ITK: variants seen among roughly 807,000 people sequenced by gnomAD.
ITK encodes IL2 inducible T cell kinase, also known as tyrosine-protein kinase ITK/TSK.
ITK carries 45 observed loss-of-function variants against 87.6 expected under a neutral mutation model. The observed-to-expected ratio is 0.51, with a 90% CI of 0.40 to 0.66. ITK has a LOEUF of 0.66. Among genes scored for constraint, ITK ranks in the 30% least tolerant of loss-of-function variants. The pLI is 0.00. For synonymous variants in ITK, 303 were observed against 273.6 expected (o/e 1.11, Z -1.06); for missense variants, 605 against 766.3 (o/e 0.79, Z 2.48).
At chr5:157,209,672 C>G (rs1037328446) in intron 2 of ITK, among the ~76,000 whole-genome samples, 1 of 152,062 alleles carries the variant, frequency 6.6e-6, no homozygotes. Context: ...ATTGCAATTG[C>G]TGGGTATGAA....
At chr5:157,197,787 T>G (rs775742362) in intron 1 of ITK, among the ~76,000 whole-genome samples, 32 of 152,222 alleles carry the variant, frequency 2.1e-4, no homozygotes, top group Non-Finnish European at 4.3e-4. Flanking sequence ...TAACCATAAC[T>G]AATTTAACCA....
In ITK at chr5:157,253,688, G is replaced by C. The variant is rs1367056584; in HGVS notation, c.*1010G>C. 4.5e-6 allele frequency: 1 copy of C among 223,114 alleles called. No individual in the cohort carries two copies. The highest frequency in any genetic ancestry group is 6.5e-5 in the East Asian group (1 of 15,478). The allele number at this position is 223,114 out of a possible 1,614,324, so 13.8% of individuals were successfully genotyped here. A position where few individuals can be genotyped will look rare whatever the true frequency, so the allele number is the denominator to read the frequency against. On this transcript the variant is annotated 3_prime_UTR_variant, in exon 17 of 17. Transcript: ENST00000422843. ...TTGTGTTGGTCAATGTTCCCTTGGC[G>C]AGCAATTGAAACTTGTTTAGGCCCT...
At chr5:157,238,244 TGAGCA>T in intron 9 of ITK, 53 bp downstream of exon 9, 1 of 1,347,720 alleles carries the variant, frequency 7.4e-7, no homozygotes, top group Non-Finnish European at 1.1e-6. Flanking sequence ...CTGAAGTGTG[TGAGCA>T]CTGGGGAAAA....
At chr5:157,186,629 T>C (rs187257495) in intron 1 of ITK, among the ~76,000 whole-genome samples, 46 of 151,268 alleles carry the variant, frequency 3.0e-4, no homozygotes, top group African/African-American at 9.7e-4. Flanking sequence ...AGAGCCAAGA[T>C]TGTGCGATTG....
Position 157,254,300 on chromosome 5 carries a change from AATG to A in ITK, c.*1624_*1626del, listed in dbSNP as rs1755208472. The A allele has an allele frequency of 4.4e-6, 1 of 227,778 alleles. No individual in the cohort carries two copies. Among genetic ancestry groups the A allele is most frequent in the Non-Finnish European group, 8.7e-6 (1 of 114,690 alleles). 14.1% of individuals were successfully genotyped at this position (227,778 alleles called of 1,614,324 possible). A position where few individuals can be genotyped will look rare whatever the true frequency, so the allele number is the denominator to read the frequency against. On this transcript the variant is annotated 3_prime_UTR_variant, in exon 17 of 17. Transcript: ENST00000422843. ...TCTGTATCCTTACCTTGGTCATGTT[AATG>A]ACTTTGGAGTTATTCAGTTAATGAC...
intron 6 of ITK, 103 bp from the exon 7 acceptor site, chr5:157,228,193 G>A (rs1360364173): frequency 3.9e-6 from 3 of 776,264 alleles, no homozygotes; most frequent in East Asian, 2.6e-5. Flanking sequence ...GCCAAATAAT[G>A]TGATATTCCC....
intron 1 of ITK, among the ~76,000 whole-genome samples, chr5:157,182,958 G>A (rs1480513675): frequency 1.3e-5 from 2 of 152,046 alleles, no homozygotes; most frequent in East Asian, 3.8e-4. Flanking sequence ...TTCTTTATCT[G>A]AGCATTATGG....
intron 7 of ITK, among the ~76,000 whole-genome samples, chr5:157,231,502 C>T (rs942190701): frequency 5.3e-5 from 8 of 152,174 alleles, no homozygotes; most frequent in African/African-American, 9.7e-5. Flanking sequence ...AAACCTCTAA[C>T]GAATCCATGA....
At chr5:157,199,292 G>T (rs1438956891) in intron 1 of ITK, 1 of 151,490 alleles carries the variant, frequency 6.6e-6, no homozygotes, top group African/African-American at 2.4e-5. Flanking sequence ...GCTGAAAACT[G>T]CTATTTTTTT....
chr5:157,222,145 C>G (rs184987911), intron 5 of ITK, among the ~76,000 whole-genome samples: 22 of 152,318 alleles, frequency 1.4e-4, no homozygotes, highest in Non-Finnish European at 2.8e-4. Context: ...TAGTGAGGAA[C>G]TTAATATTTC....
intron 9 of ITK, among the ~76,000 whole-genome samples, chr5:157,239,414 A>G (rs1754842191): frequency 6.6e-6 from 1 of 152,190 alleles, no homozygotes; most frequent in South Asian, 2.1e-4. Flanking sequence ...GAGACTCAGT[A>G]CCCAAGGCTT....
chr5:157,199,208 G>A (rs1391743168), intron 1 of ITK: 1 of 152,236 alleles, frequency 6.6e-6, no homozygotes, highest in African/African-American at 2.4e-5. Flanking sequence ...AAGGAATGAG[G>A]TTAGGATGCA....
At chr5:157,195,568 C>G (rs983422699) in intron 1 of ITK, 2 of 152,186 alleles carry the variant, frequency 1.3e-5, no homozygotes, top group Non-Finnish European at 2.9e-5. Context: ...AGTAACAAAT[C>G]TCCCATCTTT....
chr5:157,205,978 T>TG (rs1157890807), intron 1 of ITK, among the ~76,000 whole-genome samples: 1 of 130,690 alleles, frequency 7.7e-6, no homozygotes, highest in Non-Finnish European at 1.6e-5. Flanking sequence ...GATTAGCCTT[T>TG]TTTTTTTTTT....
Position 157,238,197 on chromosome 5 carries a change from G to C in ITK, c.851+6G>C, listed in dbSNP as rs1580904148. On this transcript the variant is annotated splice_donor_region_variant and intron_variant, in intron 9 of 16. Coordinates refer to ENST00000422843, the MANE Select transcript of ITK (RefSeq NM_005546.4). ...TTCACCAAGGCTGTTGTAAGGTATGGAGCTAACTCTGCTCAGCAAAGTGGA... is the reference window on the plus strand; with the variant it reads ...TTCACCAAGGCTGTTGTAAGGTATGCAGCTAACTCTGCTCAGCAAAGTGGA... 6.2e-7 allele frequency: 1 copy of C among 1,606,920 alleles called. No homozygotes were observed. The highest frequency in any genetic ancestry group is 1.1e-5 in the South Asian group (1 of 90,918).
chr5:157,182,246 G>C (rs1178717807), intron 1 of ITK, among the ~76,000 whole-genome samples: 10 of 152,110 alleles, frequency 6.6e-5, no homozygotes. Flanking sequence ...AAACAAAAGT[G>C]CTCCAGTTCT....
chr5:157,228,171 C>G, intron 6 of ITK, 125 bp from the exon 7 acceptor site: 1 of 713,362 alleles, frequency 1.4e-6, no homozygotes. Flanking sequence ...TTTAAAATGT[C>G]TTATCGCAAA....
At chr5:157,197,742 A>G (rs928259480) in intron 1 of ITK, among the ~76,000 whole-genome samples, 1 of 152,226 alleles carries the variant, frequency 6.6e-6, no homozygotes, top group African/African-American at 2.4e-5. Context: ...GTCATTATGT[A>G]TGATGACGAA....
At chr5:157,198,326 T>G (rs976546307) in intron 1 of ITK, among the ~76,000 whole-genome samples, 1 of 152,242 alleles carries the variant, frequency 6.6e-6, no homozygotes, top group Non-Finnish European at 1.5e-5. Context: ...CCTTTCCTTC[T>G]TTCCTTTTGA....
Sources: allele counts gnomAD v4.1 joint callset (sites outside exome capture counted in the v4.1 genomes callset), GRCh38; gene constraint gnomAD v4.1.1; transcripts MANE v1.5; gene names NCBI Gene and HGNC (gene_info 2026-07-23, HGNC 2026-07-21).